RETREG1: variants seen among roughly 807,000 people sequenced by gnomAD.
The protein encoded by RETREG1 is reticulophagy regulator 1, also known as family with sequence similarity 134 member B.
In RETREG1, 44 loss-of-function variants were observed where a neutral mutation model predicts 54.8. The observed-to-expected ratio is 0.80, with a 90% CI of 0.63 to 1.03. The LOEUF is 1.03. Among genes scored for constraint, RETREG1 ranks in the 50% least tolerant of loss-of-function variants. The pLI is 0.00. For missense variants in RETREG1, 554 were observed against 605.1 expected (o/e 0.92, Z 0.89); for synonymous variants, 217 against 238.5 (o/e 0.91, Z 0.83).
intron 3 of RETREG1, among the ~76,000 whole-genome samples, chr5:16,563,988 A>G (rs913568549): frequency 6.6e-6 from 1 of 152,192 alleles, no homozygotes; most frequent in African/African-American, 2.4e-5. Context: ...TTATTTTATT[A>G]TATGAATACA....
At chr5:16,512,374 C>T (rs1479111963) in intron 3 of RETREG1, among the ~76,000 whole-genome samples, 1 of 152,130 alleles carries the variant, frequency 6.6e-6, no homozygotes, top group Non-Finnish European at 1.5e-5. Context: ...GCCCAAGGGA[C>T]CAGATACCTC....
intron 8 of RETREG1, 62 bp downstream of exon 8, chr5:16,477,600 C>G: frequency 3.4e-6 from 5 of 1,489,132 alleles, no homozygotes; most frequent in Non-Finnish European, 4.7e-6. Context: ...CAGTATTTGA[C>G]AGAAGTTCAA....
At chr5:16,511,955 G>A (rs1740190334) in intron 3 of RETREG1, among the ~76,000 whole-genome samples, 1 of 152,162 alleles carries the variant, frequency 6.6e-6, no homozygotes, top group African/African-American at 2.4e-5. Flanking sequence ...AATTCAGTAT[G>A]AGATTTAGTG....
intron 8 of RETREG1, among the ~76,000 whole-genome samples, chr5:16,476,333 A>G (rs1738536434): frequency 7.2e-5 from 11 of 152,060 alleles, no homozygotes; most frequent in Admixed American, 7.2e-4. Flanking sequence ...TAGTTCATTC[A>G]CCCTCCTCCT....
At chr5:16,556,259 C>T (rs1014305033) in intron 3 of RETREG1, among the ~76,000 whole-genome samples, 5 of 151,874 alleles carry the variant, frequency 3.3e-5, no homozygotes, top group East Asian at 1.9e-4. Flanking sequence ...CCCAGGTTCA[C>T]GCCATTCTCC....
rs543707026 is a variant in RETREG1, at chr5:16,501,982, A to C, written c.459-18510T>G. The stretch of plus-strand genomic sequence containing the variant: ...AGCTTTTTTTTTTTTTTTGAGATGG[A>C]GTCTCACTCTGTTGCCCAGGCTGGA... On this transcript the variant is annotated intron_variant, in intron 3 of 8. Coordinates refer to ENST00000306320, the MANE Select transcript of RETREG1 (RefSeq NM_001034850.3). Among the ~76,000 whole-genome samples the C allele has an allele frequency of 2.2e-3, 311 of 144,448 alleles. 7 individuals carry two copies. Among genetic ancestry groups the C allele is most frequent in the Admixed American group, 0.02 (283 of 14,312 alleles). 94.8% of individuals were successfully genotyped at this position (144,448 alleles called of 152,430 possible).
intron 2 of RETREG1, among the ~76,000 whole-genome samples, chr5:16,566,707 C>T (rs143720112): frequency 6.6e-6 from 1 of 152,172 alleles, no homozygotes; most frequent in African/African-American, 2.4e-5. Flanking sequence ...TTCCTTTTTG[C>T]CTTGGCTGCC....
At chr5:16,513,713 T>C (rs991829190) in intron 3 of RETREG1, among the ~76,000 whole-genome samples, 2 of 152,248 alleles carry the variant, frequency 1.3e-5, no homozygotes, top group African/African-American at 2.4e-5. Context: ...TATCTGAACC[T>C]ATCTGCCACT....
intron 3 of RETREG1, among the ~76,000 whole-genome samples, chr5:16,537,147 G>A (rs1741097024): frequency 6.6e-6 from 1 of 152,192 alleles, no homozygotes; most frequent in Admixed American, 6.5e-5. Context: ...CAAGGGCCAG[G>A]CCCTGCACCA....
intron 3 of RETREG1, among the ~76,000 whole-genome samples, chr5:16,489,254 T>C (rs1425877718): frequency 6.6e-6 from 1 of 152,232 alleles, no homozygotes; most frequent in Non-Finnish European, 1.5e-5. Flanking sequence ...CTTTTATGTG[T>C]ATCTTTTAAA....
chr5:16,518,915 C>G lies in RETREG1; in HGVS notation c.459-35443G>C, dbSNP rs150340942. Among the ~76,000 whole-genome samples the G allele has an allele frequency of 6.6e-5, 10 of 152,174 alleles. No individual in the cohort carries two copies. In the East Asian group the frequency reaches 1.9e-3, roughly 29 times the overall value. On this transcript the variant is annotated intron_variant, in intron 3 of 8. Coordinates refer to ENST00000306320, the MANE Select transcript of RETREG1 (RefSeq NM_001034850.3). ...TGTCACCAATACAGAATTTGTTGCC[C>G]GTGAAAATTCAGAGAATGTATTATG...
At chr5:16,534,232 T>C (rs1369259703) in intron 3 of RETREG1, among the ~76,000 whole-genome samples, 1 of 152,180 alleles carries the variant, frequency 6.6e-6, no homozygotes, top group African/African-American at 2.4e-5. Flanking sequence ...GGAGCTATCA[T>C]CATGCCACTA....
In RETREG1 at chr5:16,561,738, C is replaced by G. The variant is rs907916666; in HGVS notation, c.458+4025G>C. On this transcript the variant is annotated intron_variant, in intron 3 of 8. Coordinates refer to ENST00000306320, the MANE Select transcript of RETREG1 (RefSeq NM_001034850.3). The surrounding 1 kb of genome is among the most constrained non-coding windows in gnomAD (Gnocchi z 4.2). ...TTTTTCCAAATCATCATTAAACACT[C>G]AAACAGCTTCTGTATTAAGAGACAG... Among the ~76,000 whole-genome samples the G allele has an allele frequency of 1.3e-5, 2 of 152,168 alleles. No individual in the cohort carries two copies. Among genetic ancestry groups the G allele is most frequent in the Non-Finnish European group, 2.9e-5 (2 of 68,036 alleles).
intron 3 of RETREG1, among the ~76,000 whole-genome samples, chr5:16,521,830 G>A (rs1282129393): frequency 6.6e-6 from 1 of 152,154 alleles, no homozygotes; most frequent in Non-Finnish European, 1.5e-5. Flanking sequence ...ATGTTTCTTG[G>A]TTATCCATTT....
intron 3 of RETREG1, among the ~76,000 whole-genome samples, chr5:16,495,583 G>A (rs1395188340): frequency 6.6e-6 from 1 of 152,186 alleles, no homozygotes; most frequent in East Asian, 1.9e-4. Flanking sequence ...CTGCTTCAGA[G>A]GGTGCAAGCC....
At chr5:16,582,679 C>G (rs1742523385) in intron 1 of RETREG1, among the ~76,000 whole-genome samples, 1 of 151,808 alleles carries the variant, frequency 6.6e-6, no homozygotes. Flanking sequence ...AAAAAAACGG[C>G]CTGGGTAATC....
Position 16,493,220 on chromosome 5 carries a change from G to A in RETREG1, c.459-9748C>T, listed in dbSNP as rs138453318. On this transcript the variant is annotated intron_variant, in intron 3 of 8. Transcript: ENST00000306320. ...GATCATCAATTATCCAATCCACCTA[G>A]ATCATTTGGGAGGCTGACACTCAAC... Among the ~76,000 whole-genome samples, 479 of 152,234 alleles carry A rather than the reference G, an allele frequency of 3.1e-3. 2 individuals carry two copies. Among genetic ancestry groups the A allele is most frequent in the Middle Eastern group, 0.02 (6 of 294 alleles).
At chr5:16,568,241 CACAA>C (rs77205582) in intron 2 of RETREG1, among the ~76,000 whole-genome samples, 9,347 of 151,112 alleles carry the variant, frequency 0.062, 376 homozygotes, top group Non-Finnish European at 0.095. Flanking sequence ...CCACAGGTTT[CACAA>C]ACATTCACTC....
intron 1 of RETREG1, among the ~76,000 whole-genome samples, chr5:16,602,307 A>T (rs113118408): frequency 2.0e-5 from 3 of 152,212 alleles, no homozygotes; most frequent in Admixed American, 2.0e-4. Flanking sequence ...GTCCAGTATC[A>T]GGGACTCCAA....
Sources: gnomAD v4.1 joint callset for allele counts (sites outside exome capture counted in the v4.1 genomes callset) on GRCh38, gnomAD v4.1.1 for gene constraint, Gnocchi (gnomAD v3.1) non-coding constraint, MANE v1.5 for transcripts, NCBI Gene and HGNC (gene_info 2026-07-23, HGNC 2026-07-21) for gene names.